The following NT5C3B variants were observed in gnomAD, a reference collection of about 807,000 sequenced individuals.
NT5C3B encodes the protein 5'-nucleotidase, cytosolic IIIB.
A neutral mutation model predicts 32.5 loss-of-function variants in NT5C3B; 28 were observed. The ratio of observed to expected loss-of-function variants is 0.86; its 90% CI spans 0.64 to 1.18. The LOEUF is 1.18. Ranked by LOEUF, NT5C3B falls within the 50% of genes most tolerant of loss-of-function variation. The probability of loss-of-function intolerance (pLI) is 0.00; values close to 1 mark genes in which losing one functional copy is unlikely to be tolerated. For missense variants in NT5C3B, 317 were observed against 322.0 expected (o/e 0.98, Z 0.12); for synonymous variants, 138 against 118.0 (o/e 1.17, Z -1.10).
Position 41,832,441 on chromosome 17 carries a change from T to C in NT5C3B, c.265A>G (p.Ile89Val). 3.1e-6 allele frequency: 5 copies of C among 1,613,814 alleles called. No homozygotes were observed. Among genetic ancestry groups the C allele is most frequent in the Non-Finnish European group, 4.2e-6 (5 of 1,179,826 alleles). The change falls in exon 5 of 9, where the codon ATC becomes GTC. Residue 89 changes from isoleucine to valine, a missense_variant. Physicochemically the swap from Ile to Val is conservative, Grantham distance 29. Coordinates refer to ENST00000435506, the MANE Select transcript of NT5C3B (RefSeq NM_052935.5). ...ALLHHYYPIE[I>V]DPHRTVKEKL... ...TCCTTGACGGTCCGGTGTGGGTCGA[T>C]CTCAATTGGGTAATAGTGGTGAAGG...
At chr17:41,829,580 C>T (rs557865681) in intron 6 of NT5C3B, among the ~76,000 whole-genome samples, 8 of 152,278 alleles carry the variant, frequency 5.3e-5, no homozygotes, top group African/African-American at 1.9e-4. Flanking sequence ...ACACAATGTA[C>T]TCTTTTGTGC....
chr17:41,835,281 C>T lies in NT5C3B; in HGVS notation c.112-9G>A. 6.2e-7 allele frequency: 1 copy of T among 1,613,090 alleles called. No homozygotes were observed. The highest frequency in any genetic ancestry group is 1.3e-5 in the African/African-American group (1 of 74,998). Reference sequence around the variant, plus strand: ...TCAAAATCAGAAATCACCTATAAGGCAAAAGAGAGATGATGCCTAAATAGG... The same window carrying T: ...TCAAAATCAGAAATCACCTATAAGGTAAAAGAGAGATGATGCCTAAATAGG... On this transcript the variant is annotated splice_polypyrimidine_tract_variant and intron_variant, in intron 2 of 8. Coordinates refer to ENST00000435506, the MANE Select transcript of NT5C3B (RefSeq NM_052935.5).
intron 3 of NT5C3B, 26 bp downstream of exon 3, chr17:41,835,177 A>G (rs1330745165): frequency 6.2e-7 from 1 of 1,613,476 alleles, no homozygotes; most frequent in Non-Finnish European, 8.5e-7. Context: ...GTCAAGCTCA[A>G]CAAGGGAAGC....
chr17:41,828,747 CCCA>C (rs575464664), intron 7 of NT5C3B, 40 bp downstream of exon 7: 1 of 1,575,910 alleles, frequency 6.3e-7, no homozygotes, highest in South Asian at 1.2e-5. Context: ...GCTGGTGGTC[CCCA>C]CCCCTCGTCC....
chr17:41,831,425 C>T (rs540165868), intron 5 of NT5C3B, among the ~76,000 whole-genome samples: 18 of 152,128 alleles, frequency 1.2e-4, no homozygotes, highest in East Asian at 1.2e-3. Flanking sequence ...TCCCTTCCTC[C>T]GTGAACCCTC....
At chr17:41,831,273 C>T (rs1428245323) in intron 5 of NT5C3B, among the ~76,000 whole-genome samples, 3 of 141,526 alleles carry the variant, frequency 2.1e-5, no homozygotes, top group Non-Finnish European at 4.5e-5. Flanking sequence ...GAGCCAAGAT[C>T]GGGGCCACTG....
At chr17:41,831,622 TTCTC>T (rs1555619073) in intron 5 of NT5C3B, among the ~76,000 whole-genome samples, 1 of 152,202 alleles carries the variant, frequency 6.6e-6, no homozygotes, top group African/African-American at 2.4e-5. Flanking sequence ...CTCTTTCTCT[TTCTC>T]TCTCCCCTAC....
intron 8 of NT5C3B, among the ~76,000 whole-genome samples, chr17:41,826,781 A>G (rs1208605327): frequency 2.0e-5 from 3 of 152,062 alleles, no homozygotes; most frequent in Non-Finnish European, 2.9e-5. Context: ...CAGGCAGATC[A>G]CCTGAGGTCG....
At chr17:41,829,031 G>T (rs1351796137) in intron 6 of NT5C3B, 79 bp from the exon 7 acceptor site, 26 of 1,341,700 alleles carry the variant, frequency 1.9e-5, no homozygotes, top group Non-Finnish European at 2.4e-5. Context: ...TGTTTTTTGG[G>T]TTTTTTGTGA....
intron 2 of NT5C3B, chr17:41,835,534 G>A: frequency 1.5e-6 from 1 of 688,732 alleles, no homozygotes. Flanking sequence ...TCAATATCAG[G>A]TCCCTCCTAA....
chr17:41,830,161 C>G (rs1437021977), intron 6 of NT5C3B, among the ~76,000 whole-genome samples: 1 of 152,172 alleles, frequency 6.6e-6, no homozygotes, highest in East Asian at 1.9e-4. Context: ...TCCCAGTCAC[C>G]ATGAAGAACA....
At chr17:41,834,295 C>T (rs923438159) in intron 4 of NT5C3B, among the ~76,000 whole-genome samples, 2 of 151,606 alleles carry the variant, frequency 1.3e-5, no homozygotes, top group African/African-American at 4.8e-5. Context: ...ACTCGAGAGG[C>T]TGAGGCATGA....
In NT5C3B at chr17:41,835,213, A is replaced by G; in HGVS notation, c.171T>C (p.Pro57=). The G allele has an allele frequency of 6.2e-7, 1 of 1,614,136 alleles. No individual in the cohort carries two copies. The highest frequency in any genetic ancestry group is 8.5e-7 in the Non-Finnish European group (1 of 1,179,952). ...SRFAYNGKRC[P]SSYNILDNSK... ...TAGAATGTGACTTACTGTAAGAAGA[A>G]GGGCATCGCTTTCCATTATATGCAA... Residue 57 remains proline (P), a synonymous_variant, in exon 3 of 9, where the codon CCT becomes CCC. Transcript: ENST00000435506.
rs781957808 is a variant in NT5C3B at position 41,835,205 on chromosome 17, TAAG to T, written c.176_178del (p.Ser59del). 2.0e-5 allele frequency: 33 copies of T among 1,614,084 alleles called. No homozygotes were observed. Among genetic ancestry groups the T allele is most frequent in the South Asian group, 7.7e-5 (7 of 91,080 alleles). The stretch of plus-strand genomic sequence containing the variant: ...AGGGAAGCTAGAATGTGACTTACTG[TAAG>T]AAGAAGGGCATCGCTTTCCATTATA... On this transcript the variant is annotated inframe_deletion, in exon 3 of 9. Coordinates refer to ENST00000435506, the MANE Select transcript of NT5C3B (RefSeq NM_052935.5).
chr17:41,835,351 A>G, intron 2 of NT5C3B, 79 bp from the exon 3 acceptor site: 2 of 1,214,278 alleles, frequency 1.6e-6, no homozygotes, highest in Admixed American at 1.7e-5. Flanking sequence ...GGGGATGATT[A>G]TGGAAATCAA....
intron 5 of NT5C3B, among the ~76,000 whole-genome samples, chr17:41,831,237 T>G (rs1279437121): frequency 6.7e-6 from 1 of 149,188 alleles, no homozygotes; most frequent in Non-Finnish European, 1.5e-5. Flanking sequence ...GAGAATCACT[T>G]GAACCCAGGA....
rs776980796 is a variant in NT5C3B, at chr17:41,829,080, G to A, written c.405-128C>T. The A allele has an allele frequency of 2.9e-4, 206 of 713,208 alleles. 1 individual carries two copies. Among genetic ancestry groups the A allele is most frequent in the Non-Finnish European group, 4.3e-4 (187 of 437,926 alleles). 44.2% of individuals were successfully genotyped at this position (713,208 alleles called of 1,614,324 possible). On this transcript the variant is annotated intron_variant, in intron 6 of 8. Coordinates refer to ENST00000435506, the MANE Select transcript of NT5C3B (RefSeq NM_052935.5). ...TCTGTTGCCCAGGCTGGAGGGCAGT[G>A]GCACAATCACAGTTCACTGCGACCT...
rs782195081 is a variant in NT5C3B, at chr17:41,835,963, C to T, written c.13-6G>A. On this transcript the variant is annotated splice_polypyrimidine_tract_variant and splice_region_variant and intron_variant, in intron 1 of 8. Transcript: ENST00000435506. ...GCCTTCATCAGGGTGCTCACCTGTC[C>T]CGAGACCCGAGAGAACCACTGACCC... 34 of 1,572,458 alleles carry T rather than the reference C, an allele frequency of 2.2e-5. No individual in the cohort carries two copies. Among genetic ancestry groups the T allele is most frequent in the Admixed American group, 1.5e-4 (8 of 54,188 alleles).
At position 41,835,950 on chromosome 17, in the gene NT5C3B, G is replaced by A. The variant is rs782555627; in HGVS notation, c.20C>T (p.Thr7Ile). The change falls in exon 2 of 9, where the codon ACC becomes ATC. Residue 7 changes from threonine (T) to isoleucine (I), a missense_variant. Physicochemically the swap from Thr to Ile is moderately conservative, Grantham distance 89. Coordinates refer to ENST00000435506, the MANE Select transcript of NT5C3B (RefSeq NM_052935.5). MAEEVSTLMKATVLMRQ... is the reference protein window; with the variant it reads MAEEVSILMKATVLMRQ... ...CATCAGGACCGTGGCCTTCATCAGG[G>A]TGCTCACCTGTCCCGAGACCCGAGA... 9.4e-6 allele frequency: 15 copies of A among 1,588,556 alleles called. No homozygotes were observed. The highest frequency in any genetic ancestry group is 1.2e-5 in the Non-Finnish European group (14 of 1,168,222).
Sources: gnomAD v4.1 joint callset for allele counts (sites outside exome capture counted in the v4.1 genomes callset) on GRCh38, gnomAD v4.1.1 for gene constraint, MANE v1.5 for transcripts, NCBI Gene and HGNC (gene_info 2026-07-23, HGNC 2026-07-21) for gene names.